RTTN: variants seen among roughly 807,000 people sequenced by gnomAD.
RTTN encodes the protein rotatin.
In RTTN, 182 loss-of-function variants were observed where a neutral mutation model predicts 269.2. That is an observed-to-expected ratio of 0.68 (90% CI 0.60 to 0.76). RTTN has a LOEUF of 0.76. Ranked by LOEUF, RTTN falls within the 30% of genes least tolerant of loss-of-function variation. The pLI, the probability that RTTN is intolerant of heterozygous loss-of-function variation, is 0.00. For missense variants in RTTN, 2,545 were observed against 2,608.6 expected, an observed-to-expected ratio of 0.98 and a Z score of 0.53; for synonymous variants, 1,006 against 963.5, an observed-to-expected ratio of 1.04 and a Z score of -0.82.
At chr18:70,048,580 A>G (rs1040013345) in intron 39 of RTTN, among the ~76,000 whole-genome samples, 2 of 151,988 alleles carry the variant, frequency 1.3e-5, no homozygotes. Flanking sequence ...TATAAACTTG[A>G]AAAATTGGAT....
intron 33 of RTTN, among the ~76,000 whole-genome samples, 186 bp from the exon 34 acceptor site, chr18:70,074,180 G>A (rs912921397): frequency 1.3e-5 from 2 of 150,906 alleles, no homozygotes; most frequent in East Asian, 3.9e-4. Flanking sequence ...TTTTTAATGT[G>A]CATAAGAATC....
At chr18:70,039,524 C>T (rs1273800572) in intron 40 of RTTN, among the ~76,000 whole-genome samples, 1 of 152,086 alleles carries the variant, frequency 6.6e-6, no homozygotes, top group Non-Finnish European at 1.5e-5. Context: ...TGAAGGATTT[C>T]AACAACACTA....
intron 10 of RTTN, among the ~76,000 whole-genome samples, chr18:70,183,438 C>T (rs1402728197): frequency 6.6e-6 from 1 of 152,152 alleles, no homozygotes; most frequent in Non-Finnish European, 1.5e-5. Context: ...CCAGGGCTCA[C>T]ACAAGACAAT....
intron 28 of RTTN, among the ~76,000 whole-genome samples, chr18:70,094,217 T>C (rs2058933552): frequency 2.0e-5 from 3 of 152,218 alleles, no homozygotes; most frequent in South Asian, 4.1e-4. Context: ...TAGTGGTCTA[T>C]CTATTTTGTT....
At chr18:70,107,646 G>C (rs1260765230) in intron 28 of RTTN, among the ~76,000 whole-genome samples, 2 of 152,090 alleles carry the variant, frequency 1.3e-5, no homozygotes, top group Non-Finnish European at 2.9e-5. Flanking sequence ...TTAGAAAAAA[G>C]AGCTGTAAAC....
At chr18:70,033,152 T>C (rs558732084) in intron 40 of RTTN, among the ~76,000 whole-genome samples, 1 of 152,308 alleles carries the variant, frequency 6.6e-6, no homozygotes, top group East Asian at 1.9e-4. Flanking sequence ...ATCTTGCCCC[T>C]CTCTCTTCCT....
chr18:70,196,099 T>C (rs2061799203), intron 7 of RTTN, among the ~76,000 whole-genome samples: 1 of 152,202 alleles, frequency 6.6e-6, no homozygotes, highest in Non-Finnish European at 1.5e-5. Flanking sequence ...TGCATAAAAA[T>C]ACTCTTCATA....
At chr18:70,092,550 T>C (rs1453914090) in intron 29 of RTTN, 126 bp downstream of exon 29, 5 of 1,014,376 alleles carry the variant, frequency 4.9e-6, no homozygotes, top group Non-Finnish European at 7.1e-6. Flanking sequence ...ATCATTCACG[T>C]TACCTAAAAA....
At chr18:70,081,785 T>C (rs962634032) in intron 32 of RTTN, among the ~76,000 whole-genome samples, 3 of 152,148 alleles carry the variant, frequency 2.0e-5, no homozygotes, top group Non-Finnish European at 4.4e-5. Flanking sequence ...TTTTTTTCTT[T>C]TTTTTCTATT....
chr18:70,107,250 C>T (rs1197697346), intron 28 of RTTN, among the ~76,000 whole-genome samples: 1 of 152,182 alleles, frequency 6.6e-6, no homozygotes, highest in Non-Finnish European at 1.5e-5. Context: ...CAATAAGAAA[C>T]GGGCTCCTAA....
chr18:70,154,428 A>C (rs905609581), intron 14 of RTTN, among the ~76,000 whole-genome samples: 2 of 152,192 alleles, frequency 1.3e-5, no homozygotes, highest in Admixed American at 1.3e-4. Context: ...CTCAAGAAAG[A>C]TATCAAATCG....
Position 70,161,029 on chromosome 18 carries a change from C to T in RTTN, c.1929+5033G>A, listed in dbSNP as rs185005799. ...TTTATATGGAACCAAAAAAAGAGAC[C>T]GAATAGCCAAAGCAAACTTAAGCAA... is the stretch of plus-strand genomic sequence containing the variant. On this transcript the variant is annotated intron_variant, in intron 14 of 48. Transcript: ENST00000640769. Among the ~76,000 whole-genome samples, 492 of 152,064 alleles carry T rather than the reference C, an allele frequency of 3.2e-3. 10 individuals are homozygous for T. Among genetic ancestry groups the T allele is most frequent in the Admixed American group, 0.027 (406 of 15,264 alleles).
At chr18:70,017,763 T>A (rs2056585392) in intron 45 of RTTN, 89 bp from the exon 46 acceptor site, 1 of 985,804 alleles carries the variant, frequency 1.0e-6, no homozygotes, top group Non-Finnish European at 1.5e-6. Flanking sequence ...AACATTCTGA[T>A]ATACTCTCCC....
intron 39 of RTTN, among the ~76,000 whole-genome samples, chr18:70,048,552 ATG>A (rs2057559246): frequency 6.6e-6 from 1 of 152,226 alleles, no homozygotes; most frequent in African/African-American, 2.4e-5. Flanking sequence ...TCAAAATTAC[ATG>A]TGTTGTTTTA....
intron 34 of RTTN, among the ~76,000 whole-genome samples, chr18:70,067,261 G>A (rs1032613894): frequency 1.3e-5 from 2 of 151,218 alleles, no homozygotes; most frequent in African/African-American, 2.4e-5. Context: ...CCGGGTTCAC[G>A]CCATTCTCCT....
intron 7 of RTTN, chr18:70,194,131 A>G (rs2061746685): frequency 6.6e-6 from 1 of 152,374 alleles, no homozygotes; most frequent in East Asian, 1.9e-4. Context: ...GAACTTTAAT[A>G]AACATTTCTC....
chr18:70,127,634 G>C lies in RTTN; in HGVS notation c.3251C>G (p.Thr1084Ser). ...GACAGCAGCCCTAACTTCCCTGTGG[G>C]TTGCAGCCTGAACAATGGAATGGAG... ...DCLHSIVQAA[T>S]HREVRAAVTR... Residue 1084 changes from threonine (T) to serine (S), a missense_variant, in exon 25 of 49, where the codon ACC becomes AGC. Transcript: ENST00000640769. 1 of 1,613,502 alleles carries C rather than the reference G, an allele frequency of 6.2e-7. No individual in the cohort carries two copies. Among genetic ancestry groups the C allele is most frequent in the East Asian group, 2.2e-5 (1 of 44,870 alleles).
chr18:70,196,733 C>T (rs909374506), intron 6 of RTTN, 85 bp from the exon 7 acceptor site: 1 of 1,286,988 alleles, frequency 7.8e-7, no homozygotes, highest in African/African-American at 1.5e-5. Flanking sequence ...GTAAGTAAGC[C>T]TAAGTGAATA....
Position 70,109,542 on chromosome 18 carries a change from T to G in RTTN, c.3859A>C (p.Lys1287Gln), listed in dbSNP as rs976282695. ...PGWSSHSPLTKPLDICVKYLS... is the reference protein window; with the variant it reads ...PGWSSHSPLTQPLDICVKYLS... ...TACTTCACACAGATATCTAGAGGCT[T>G]TGTGAGAGGAGAGTGTGAGCTCCAT... The change falls in exon 28 of 49, where the codon AAG (lysine) becomes CAG (glutamine). Residue 1287 changes from lysine (K) to glutamine (Q), a missense_variant. Lys to Gln is a moderately conservative substitution (Grantham distance 53). Transcript: ENST00000640769. 1 of 1,613,992 alleles carries G rather than the reference T, an allele frequency of 6.2e-7. No homozygotes were observed. The highest frequency in any genetic ancestry group is 1.3e-5 in the African/African-American group (1 of 74,894).
Sources: allele counts gnomAD v4.1 joint callset (sites outside exome capture counted in the v4.1 genomes callset), GRCh38; gene constraint gnomAD v4.1.1; transcripts MANE v1.5; gene names NCBI Gene and HGNC (gene_info 2026-07-23, HGNC 2026-07-21).